NOS1AP: variants seen among roughly 807,000 people sequenced by gnomAD.
NOS1AP encodes the protein nitric oxide synthase 1 adaptor protein.
A neutral mutation model predicts 56.2 loss-of-function variants in NOS1AP; 21 were observed. That is an observed-to-expected ratio of 0.37 (90% CI 0.26 to 0.54). NOS1AP has a LOEUF of 0.54. Ranked by LOEUF, NOS1AP falls within the 20% of genes least tolerant of loss-of-function variation. The pLI is 0.84. For missense variants in NOS1AP, 522 were observed against 657.8 expected, an observed-to-expected ratio of 0.79 and a Z score of 2.26; for synonymous variants, 270 against 274.6, an observed-to-expected ratio of 0.98 and a Z score of 0.17.
intron 2 of NOS1AP, among the ~76,000 whole-genome samples, chr1:162,283,308 T>C (rs1026139850): frequency 6.6e-6 from 1 of 152,098 alleles, no homozygotes; most frequent in African/African-American, 2.4e-5. Context: ...TCTGAGGAAG[T>C]AATTCTATTC....
chr1:162,258,725 C>CTG (rs1184860209), intron 2 of NOS1AP, among the ~76,000 whole-genome samples: 1 of 152,196 alleles, frequency 6.6e-6, no homozygotes, highest in African/African-American at 2.4e-5. Context: ...TTTCTTTACA[C>CTG]TGCTTCCTAT....
chr1:162,141,220 A>G (rs779206205), intron 1 of NOS1AP, among the ~76,000 whole-genome samples: 1 of 152,236 alleles, frequency 6.6e-6, no homozygotes, highest in Non-Finnish European at 1.5e-5. Flanking sequence ...GCAAAATTTC[A>G]CTTCATAAAT....
intron 2 of NOS1AP, among the ~76,000 whole-genome samples, chr1:162,241,483 A>G (rs1055060341): frequency 6.6e-6 from 1 of 152,168 alleles, no homozygotes; most frequent in African/African-American, 2.4e-5. Flanking sequence ...ATTACTTCAC[A>G]CTTGCTCTAT....
rs555902890 is a variant in NOS1AP at position 162,162,386 on chromosome 1, C to T, written c.177+7910C>T. Among the ~76,000 whole-genome samples, 88 of 152,262 alleles carry T rather than the reference C, an allele frequency of 5.8e-4. 2 individuals are homozygous for T. The South Asian group carries it at 0.015, about 27-fold the overall frequency. ...AAAAATGGAGTTAGTGCATGGTGCA[C>T]GGTACTGAAGGCGGGGCTGATATGT... On this transcript the variant is annotated intron_variant, in intron 2 of 9. Coordinates refer to ENST00000361897, the MANE Select transcript of NOS1AP (RefSeq NM_014697.3).
chr1:162,275,967 C>T (rs949344889), intron 2 of NOS1AP, among the ~76,000 whole-genome samples: 11 of 152,146 alleles, frequency 7.2e-5, no homozygotes, highest in East Asian at 1.9e-4. Flanking sequence ...GCCCACTGAG[C>T]GCCTTTATAA....
chr1:162,098,372 GC>G (rs1478299514), intron 1 of NOS1AP, among the ~76,000 whole-genome samples: 1 of 152,004 alleles, frequency 6.6e-6, no homozygotes, highest in Non-Finnish European at 1.5e-5. Context: ...CTCCCAAAGT[GC>G]TGGGATTACA....
At chr1:162,137,833 A>G (rs1254762884) in intron 1 of NOS1AP, among the ~76,000 whole-genome samples, 1 of 151,976 alleles carries the variant, frequency 6.6e-6, no homozygotes, top group Non-Finnish European at 1.5e-5. Flanking sequence ...TCATATTGCT[A>G]TCCTTCCTAC....
chr1:162,368,445 A>AAG lies in NOS1AP; in HGVS notation c.*979_*980insGA, dbSNP rs751439297. The AAG allele has an allele frequency of 1.1e-4, 16 of 150,284 alleles. 1 individual carries two copies. Among genetic ancestry groups the AAG allele is most frequent in the African/African-American group, 3.2e-4 (13 of 41,130 alleles). 9.3% of individuals were successfully genotyped at this position (150,284 alleles called of 1,614,324 possible). On this transcript the variant is annotated 3_prime_UTR_variant, in exon 10 of 10. Coordinates refer to ENST00000361897, the MANE Select transcript of NOS1AP (RefSeq NM_014697.3). ...GGTGGTCAGTTTTTACTGCAAAAAA[A>AAG]AAAAAAGAAAAAAGAGAAAGAAAAA... is the stretch of plus-strand genomic sequence containing the variant.
In NOS1AP at chr1:162,170,276, A is replaced by C. The variant is rs540306392; in HGVS notation, c.177+15800A>C. ...GCCAGTTCTATTCTAAGCACTATAC[A>C]TGTATTCATCTTGGTTGATCCTCAC... On this transcript the variant is annotated intron_variant, in intron 2 of 9. Transcript: ENST00000361897. Among the ~76,000 whole-genome samples, 4 of 152,296 alleles carry C rather than the reference A, an allele frequency of 2.6e-5. 1 individual carries two copies. In the South Asian group the frequency reaches 8.3e-4, roughly 32 times the overall value.
intron 5 of NOS1AP, among the ~76,000 whole-genome samples, chr1:162,342,895 G>A (rs1348892317): frequency 6.6e-6 from 1 of 152,190 alleles, no homozygotes; most frequent in Admixed American, 6.5e-5. Context: ...CATGGTGGTG[G>A]GATGCTTGAG....
intron 1 of NOS1AP, among the ~76,000 whole-genome samples, chr1:162,109,042 C>T (rs1647617117): frequency 6.6e-6 from 1 of 152,166 alleles, no homozygotes; most frequent in African/African-American, 2.4e-5. Context: ...TGGTGGCAGG[C>T]AAGAGAGCTT....
At chr1:162,139,382 C>T (rs563557917) in intron 1 of NOS1AP, among the ~76,000 whole-genome samples, 11 of 152,250 alleles carry the variant, frequency 7.2e-5, no homozygotes, top group Non-Finnish European at 1.6e-4. Context: ...AGATACAAGC[C>T]TAGACACTAT....
chr1:162,121,246 G>T (rs1648218309), intron 1 of NOS1AP, among the ~76,000 whole-genome samples: 1 of 151,070 alleles, frequency 6.6e-6, no homozygotes, highest in Non-Finnish European at 1.5e-5. Context: ...TCTTGGTTCA[G>T]CCTCCCAAGT....
At position 162,337,076 on chromosome 1, in the gene NOS1AP, C is replaced by T. The variant is rs550676022; in HGVS notation, c.453+3951C>T. Among the ~76,000 whole-genome samples the T allele has an allele frequency of 5.3e-5, 8 of 152,340 alleles. No individual in the cohort carries two copies. The South Asian group carries it at 1.5e-3, about 28-fold the overall frequency. On this transcript the variant is annotated intron_variant, in intron 5 of 9. Transcript: ENST00000361897. ...GAAGACTCTTGCATGGTCTCTTGACCTCTCCCGTGGAGTGGATGTCATCCT... is the reference window on the plus strand; with the variant it reads ...GAAGACTCTTGCATGGTCTCTTGACTTCTCCCGTGGAGTGGATGTCATCCT...
intron 3 of NOS1AP, among the ~76,000 whole-genome samples, chr1:162,299,709 T>C (rs913739256): frequency 6.6e-6 from 1 of 152,240 alleles, no homozygotes; most frequent in African/African-American, 2.4e-5. Context: ...AATCCACCTC[T>C]ATGGATCATA....
chr1:162,198,818 G>A (rs1362001266), intron 2 of NOS1AP, among the ~76,000 whole-genome samples: 1 of 152,256 alleles, frequency 6.6e-6, no homozygotes, highest in African/African-American at 2.4e-5. Context: ...GAGCTTAGGA[G>A]TGAGGCTGGA....
chr1:162,367,839 A>C lies in NOS1AP; in HGVS notation c.*372A>C. ...GTCCGTGATGCCCCCCTACCCCCTC[A>C]CTCTCCCCGTCTCCATGGTCCCGAC... On this transcript the variant is annotated 3_prime_UTR_variant, in exon 10 of 10. Coordinates refer to ENST00000361897, the MANE Select transcript of NOS1AP (RefSeq NM_014697.3). This position sits in a 1 kb window ranked among gnomAD's most constrained non-coding sequence, Gnocchi z 6.5. 2 of 214,304 alleles carry C rather than the reference A, an allele frequency of 9.3e-6. No homozygotes were observed. Among genetic ancestry groups the C allele is most frequent in the Non-Finnish European group, 1.9e-5 (2 of 107,284 alleles). The allele number at this position is 214,304 out of a possible 1,614,324, so 13.3% of individuals were successfully genotyped here. A position where few individuals can be genotyped will look rare whatever the true frequency, so the allele number is the denominator to read the frequency against.
chr1:162,112,397 G>C (rs1442962592), intron 1 of NOS1AP, among the ~76,000 whole-genome samples: 1 of 152,194 alleles, frequency 6.6e-6, no homozygotes, highest in Admixed American at 6.5e-5. Flanking sequence ...TTGGCTCTAG[G>C]TTCTGATTCC....
At chr1:162,278,792 TGTATATTTTGGG>T (rs1188016414) in intron 2 of NOS1AP, among the ~76,000 whole-genome samples, 1 of 152,106 alleles carries the variant, frequency 6.6e-6, no homozygotes, top group Non-Finnish European at 1.5e-5. Flanking sequence ...ATAATGGATG[TGTATATTTTGGG>T]GTACATGTGA....
Sources: gnomAD v4.1 joint callset for allele counts (sites outside exome capture counted in the v4.1 genomes callset) on GRCh38, gnomAD v4.1.1 for gene constraint, Gnocchi (gnomAD v3.1) non-coding constraint, MANE v1.5 for transcripts, NCBI Gene and HGNC (gene_info 2026-07-23, HGNC 2026-07-21) for gene names.